Variants in NTRK3 observed in about 807,000 individuals in gnomAD.
The protein encoded by NTRK3 is NT-3 growth factor receptor.
In NTRK3, 24 loss-of-function variants were observed where a neutral mutation model predicts 91.7. The observed-to-expected ratio is 0.26, with a 90% CI of 0.19 to 0.37. The LOEUF (loss-of-function observed/expected upper bound fraction) is 0.37. NTRK3 is among the 10% of genes least tolerant of loss of function. The pLI, the probability that NTRK3 is intolerant of heterozygous loss-of-function variation, is 1.00. For synonymous variants in NTRK3, 483 were observed against 404.0 expected, an observed-to-expected ratio of 1.20 and a Z score of -2.34; for missense variants, 880 against 1,068.9, an observed-to-expected ratio of 0.82 and a Z score of 2.46.
intron 13 of NTRK3, among the ~76,000 whole-genome samples, chr15:88,112,158 G>C (rs1175945415): frequency 6.6e-6 from 1 of 152,068 alleles, no homozygotes; most frequent in Non-Finnish European, 1.5e-5. Flanking sequence ...CGCCCGCCTT[G>C]GCCTCCCAAA....
In NTRK3 at chr15:88,235,192, G is replaced by A. The variant is rs972152166; in HGVS notation, c.248+20714C>T. Among the ~76,000 whole-genome samples, 1 of 152,180 alleles carries A rather than the reference G, an allele frequency of 6.6e-6. No individual in the cohort carries two copies. The highest frequency in any genetic ancestry group is 1.5e-5 in the Non-Finnish European group (1 of 68,034). On this transcript the variant is annotated intron_variant, in intron 3 of 18. Coordinates refer to ENST00000394480, the Ensembl canonical transcript of NTRK3. This position sits in a 1 kb window ranked among gnomAD's most constrained non-coding sequence, Gnocchi z 5.2. ...TTTCTTTGCTTGCATATCAACGGAT[G>A]GCCTCTATCCACTGAATTGTAAGGT...
Position 88,026,266 on chromosome 15 carries a change from G to A in NTRK3, c.1585+6591C>T, listed in dbSNP as rs555715630. On this transcript the variant is annotated intron_variant, in intron 14 of 18. Transcript: ENST00000394480. ...AGCCTGGGCGACAGAGTGAAACTCC[G>A]TTTCAAAATAAATAAATAAGTAAAT... Among the ~76,000 whole-genome samples the A allele has an allele frequency of 3.5e-4, 53 of 151,994 alleles. No individual in the cohort carries two copies. The South Asian group carries it at 7.9e-3, about 23-fold the overall frequency.
At chr15:88,072,004 CTTTTTTT>C (rs374364707) in intron 13 of NTRK3, among the ~76,000 whole-genome samples, 1 of 132,650 alleles carries the variant, frequency 7.5e-6, no homozygotes, top group African/African-American at 2.8e-5. Flanking sequence ...AATCAAACAT[CTTTTTTT>C]TTTTTTTTTT....
intron 17 of NTRK3, among the ~76,000 whole-genome samples, chr15:87,903,986 T>G (rs1400105378): frequency 6.6e-6 from 1 of 152,146 alleles, no homozygotes; most frequent in Non-Finnish European, 1.5e-5. Flanking sequence ...GAACAAAGCT[T>G]GTCTTATGCT....
chr15:88,213,193 G>C (rs1426299), intron 3 of NTRK3, among the ~76,000 whole-genome samples: 129,646 of 152,166 alleles, frequency 0.85, 55,482 homozygotes, highest in East Asian at 0.96. Context: ...TTAGGCAGCC[G>C]TCTGATGTTG....
chr15:88,157,323 A>C (rs2044004095), intron 5 of NTRK3, among the ~76,000 whole-genome samples: 1 of 151,932 alleles, frequency 6.6e-6, no homozygotes, highest in South Asian at 2.1e-4. Flanking sequence ...CTCCACCAAG[A>C]AACACACTGA....
intron 3 of NTRK3, among the ~76,000 whole-genome samples, chr15:88,254,910 A>C (rs1370919019): frequency 3.9e-5 from 6 of 152,286 alleles, no homozygotes; most frequent in African/African-American, 1.4e-4. Context: ...GGCCGAGGTC[A>C]ACGAAAGAAA....
intron 17 of NTRK3, 94 bp from the exon 18 acceptor site, chr15:87,885,829 A>G (rs1038994015): frequency 6.4e-6 from 3 of 469,124 alleles, no homozygotes; most frequent in Admixed American, 8.7e-5. Context: ...TAAATAAGAC[A>G]CATGTTCAAG....
chr15:88,031,308 G>C (rs1202734434), intron 14 of NTRK3, among the ~76,000 whole-genome samples: 2 of 152,054 alleles, frequency 1.3e-5, no homozygotes, highest in African/African-American at 4.8e-5. Flanking sequence ...ACTGTATATT[G>C]AACATAGCAA....
At chr15:88,193,233 C>T (rs1003227370) in intron 3 of NTRK3, among the ~76,000 whole-genome samples, 2 of 152,116 alleles carry the variant, frequency 1.3e-5, no homozygotes, top group African/African-American at 4.8e-5. Context: ...TCTGACCCTA[C>T]AGGCACCCTG....
At chr15:88,036,905 G>C (rs751194782) in intron 13 of NTRK3, among the ~76,000 whole-genome samples, 1 of 152,196 alleles carries the variant, frequency 6.6e-6, no homozygotes, top group Non-Finnish European at 1.5e-5. Flanking sequence ...ACCACATCGA[G>C]ACTTAAACCT....
intron 13 of NTRK3, among the ~76,000 whole-genome samples, chr15:88,088,404 G>A (rs986126685): frequency 1.3e-5 from 2 of 152,202 alleles, no homozygotes; most frequent in Non-Finnish European, 1.5e-5. Flanking sequence ...ACTCTGCTAT[G>A]AGGAAAACGT....
chr15:88,184,410 C>G (rs1192085686), intron 3 of NTRK3, 111 bp from the exon 4 acceptor site: 2 of 1,047,016 alleles, frequency 1.9e-6, no homozygotes, highest in East Asian at 2.6e-5. Flanking sequence ...GATTGCCAGG[C>G]CTTTTGCCAA....
rs1240915994 is a variant in NTRK3 at position 88,241,198 on chromosome 15, G to T, written c.248+14708C>A. Among the ~76,000 whole-genome samples the T allele has an allele frequency of 1.3e-5, 2 of 152,188 alleles. No homozygotes were observed. On this transcript the variant is annotated intron_variant, in intron 3 of 18. Coordinates refer to ENST00000394480, the Ensembl canonical transcript of NTRK3. This position sits in a 1 kb window ranked among gnomAD's most constrained non-coding sequence, Gnocchi z 4.3. ...GCTGGACTGAGACACTAGCTGTGCC[G>T]CCCTCTTCTGTTCAGTGACCTCCTG...
chr15:87,943,435 G>C lies in NTRK3; in HGVS notation c.1586-2682C>G, dbSNP rs140440490. Among the ~76,000 whole-genome samples, 1,472 of 152,184 alleles carry C rather than the reference G, an allele frequency of 9.7e-3. 21 individuals are homozygous for C. Among genetic ancestry groups the C allele is most frequent in the South Asian group, 0.031 (149 of 4,816 alleles). ...CTCAGAGGCCCAACTACCCATCCAT[G>C]CAGTGCAGATCATGCCTCTCTTGCC... is the stretch of plus-strand genomic sequence containing the variant. On this transcript the variant is annotated intron_variant, in intron 14 of 18. Coordinates refer to ENST00000394480, the Ensembl canonical transcript of NTRK3.
chr15:87,977,877 C>A (rs1313035977), intron 14 of NTRK3: 1 of 232,726 alleles, frequency 4.3e-6, no homozygotes, highest in African/African-American at 2.2e-5. Context: ...AAGTGGGAAT[C>A]CAAACTCCCA....
intron 13 of NTRK3, among the ~76,000 whole-genome samples, chr15:88,106,113 C>A (rs1436909462): frequency 1.3e-5 from 2 of 152,212 alleles, no homozygotes; most frequent in Non-Finnish European, 2.9e-5. Context: ...CCGGCTTACC[C>A]AGTGGTTTCT....
intron 17 of NTRK3, among the ~76,000 whole-genome samples, chr15:87,908,835 G>A (rs2066923197): frequency 6.6e-6 from 1 of 152,018 alleles, no homozygotes; most frequent in Non-Finnish European, 1.5e-5. Flanking sequence ...AGCACATCAT[G>A]ACACCACTCC....
At chr15:88,012,981 G>T (rs1002034037) in intron 14 of NTRK3, among the ~76,000 whole-genome samples, 9 of 152,286 alleles carry the variant, frequency 5.9e-5, no homozygotes, top group Admixed American at 2.6e-4. Flanking sequence ...GAAGAACAAC[G>T]GTCTTCTGAA....
Sources: gnomAD v4.1 joint callset for allele counts (sites outside exome capture counted in the v4.1 genomes callset) on GRCh38, gnomAD v4.1.1 for gene constraint, Gnocchi (gnomAD v3.1) non-coding constraint, MANE v1.5 for transcripts, NCBI Gene and HGNC (gene_info 2026-07-23, HGNC 2026-07-21) for gene names.